The following THAP3 variants were observed in gnomAD, a reference collection of about 807,000 sequenced individuals.
THAP3 encodes the protein THAP domain-containing protein 3.
Under a neutral mutation model 17.7 loss-of-function variants are expected in THAP3, and 12 were observed. That is an observed-to-expected ratio of 0.68 (90% CI 0.43 to 1.10). The LOEUF is 1.10. Ranked by LOEUF, THAP3 falls within the 50% of genes least tolerant of loss-of-function variation. The pLI is 0.00. For missense variants in THAP3, 289 were observed against 318.0 expected, an observed-to-expected ratio of 0.91 and a Z score of 0.69; for synonymous variants, 133 against 126.9, an observed-to-expected ratio of 1.05 and a Z score of -0.32.
chr1:6,625,223 C>A lies in THAP3; in HGVS notation c.5C>A (p.Pro2Gln), dbSNP rs1479389223. The A allele has an allele frequency of 3.9e-6, 6 of 1,542,686 alleles. No homozygotes were observed. In the East Asian group the frequency reaches 1.5e-4, roughly 38 times the overall value. MPKSCAARQCCN... is the reference protein window; with the variant it reads MQKSCAARQCCN... ...GGCAGCCAGGCCTGGCTCGAGATGC[C>A]GAAGTCGTGCGCGGCCCGGCAGTGC... The change falls in exon 2 of 6, where the codon CCG (proline) becomes CAG (glutamine). Residue 2 changes from proline (P) to glutamine (Q), a missense_variant. Pro to Gln is a moderately conservative substitution (Grantham distance 76, BLOSUM62 -1). Coordinates refer to ENST00000054650, the MANE Select transcript of THAP3 (RefSeq NM_001195753.2).
At chr1:6,627,076 C>T (rs1570240474) in intron 2 of THAP3, among the ~76,000 whole-genome samples, 1 of 152,204 alleles carries the variant, frequency 6.6e-6, no homozygotes, top group Non-Finnish European at 1.5e-5. Flanking sequence ...GAGCCTGGGT[C>T]ACTTTTCCCG....
At chr1:6,635,471 C>T (rs1641744560), downstream of THAP3, 2 of 568,880 alleles carry the variant, frequency 3.5e-6, no homozygotes, top group Admixed American at 3.1e-5. Flanking sequence ...GTCTGGTTCC[C>T]AGTGGGGCTG....
rs766151074 is a variant in THAP3 at position 6,628,656 on chromosome 1, G to T, written c.232G>T (p.Val78Leu). Reference protein sequence around the residue: ...GNRKNLKHNAVPTVFAFQDPT... With the variant: ...GNRKNLKHNALPTVFAFQDPT... ...CCGCAAGAACCTAAAGCACAATGCCGTGCCCACGGTGTTCGCCTTTCAGGA... is the reference window on the plus strand; with the variant it reads ...CCGCAAGAACCTAAAGCACAATGCCTTGCCCACGGTGTTCGCCTTTCAGGA... Residue 78 changes from valine (V) to leucine (L), a missense_variant, in exon 3 of 6, where the codon GTG becomes TTG. Physicochemically the swap from Val to Leu is conservative, Grantham distance 32. Coordinates refer to ENST00000054650, the MANE Select transcript of THAP3 (RefSeq NM_001195753.2). The T allele has an allele frequency of 6.2e-7, 1 of 1,613,532 alleles. No homozygotes were observed. Among genetic ancestry groups the T allele is most frequent in the South Asian group, 1.1e-5 (1 of 91,028 alleles).
intron 4 of THAP3, among the ~76,000 whole-genome samples, chr1:6,632,046 CAA>C (rs35349874): frequency 7.2e-5 from 8 of 111,388 alleles, no homozygotes; most frequent in Admixed American, 2.0e-4. Flanking sequence ...GATTCCGTCT[CAA>C]AAAAAAAAAA....
downstream of THAP3, chr1:6,633,960 G>A: frequency 2.7e-6 from 4 of 1,474,416 alleles, no homozygotes; most frequent in Non-Finnish European, 3.7e-6. Flanking sequence ...TATAGCTTTA[G>A]TGAATTAAAG....
intron 4 of THAP3, among the ~76,000 whole-genome samples, chr1:6,631,184 T>C (rs1302323421): frequency 6.6e-6 from 1 of 151,808 alleles, no homozygotes; most frequent in African/African-American, 2.4e-5. Context: ...AAAAATTTTT[T>C]TTTTTTTTTT....
In THAP3 at chr1:6,633,170, A is replaced by G. The variant is rs1570252018; in HGVS notation, c.*93A>G. 4.0e-6 allele frequency: 6 copies of G among 1,483,510 alleles called. No individual in the cohort carries two copies. The highest frequency in any genetic ancestry group is 5.4e-6 in the Non-Finnish European group (6 of 1,119,518). The allele number at this position is 1,483,510 out of a possible 1,614,324, so 91.9% of individuals were successfully genotyped here. On this transcript the variant is annotated 3_prime_UTR_variant, in exon 6 of 6. Transcript: ENST00000054650. The stretch of plus-strand genomic sequence containing the variant: ...GTGGACATTTTTGTCTGCTGTGGAC[A>G]CTGAGAAAGTTGGCCATGAGGCCTG...
At chr1:6,626,564 G>A (rs1209154389) in intron 2 of THAP3, among the ~76,000 whole-genome samples, 1 of 152,220 alleles carries the variant, frequency 6.6e-6, no homozygotes, top group Non-Finnish European at 1.5e-5. Context: ...GAGGCTGGGC[G>A]TGGTGGCTCA....
Position 6,632,852 on chromosome 1 carries a change from A to G in THAP3, c.495A>G (p.Ala165=), listed in dbSNP as rs751170035. The G allele has an allele frequency of 6.2e-7, 1 of 1,612,956 alleles. No homozygotes were observed. Among genetic ancestry groups the G allele is most frequent in the Non-Finnish European group, 8.5e-7 (1 of 1,179,902 alleles). ...TEAVGRPTGP[A]GLRRTPNKQP... Reference sequence around the variant, plus strand: ...CTGTTGGCCGGCCGACTGGCCCTGCAGGCCTGAGAAGGACCCCCAACAAGC... The same window carrying G: ...CTGTTGGCCGGCCGACTGGCCCTGCGGGCCTGAGAAGGACCCCCAACAAGC... The change falls in exon 6 of 6, where the codon GCA becomes GCG. Residue 165 remains alanine, a synonymous_variant. Coordinates refer to ENST00000054650, the MANE Select transcript of THAP3 (RefSeq NM_001195753.2).
chr1:6,633,343 T>C lies in THAP3; in HGVS notation c.*266T>C. 1 of 1,357,966 alleles carries C rather than the reference T, an allele frequency of 7.4e-7. No individual in the cohort carries two copies. Among genetic ancestry groups the C allele is most frequent in the Non-Finnish European group, 9.5e-7 (1 of 1,052,636 alleles). The allele number at this position is 1,357,966 out of a possible 1,614,324, so 84.1% of individuals were successfully genotyped here. On this transcript the variant is annotated 3_prime_UTR_variant, in exon 6 of 6. Coordinates refer to ENST00000054650, the MANE Select transcript of THAP3 (RefSeq NM_001195753.2). ...TGGTAACAGAAGTCCAGGCTGAGGC[T>C]GATTCTGGACGCTGTCCTTTCAGCA...
intron 2 of THAP3, among the ~76,000 whole-genome samples, chr1:6,626,332 C>T (rs1049226657): frequency 6.6e-6 from 1 of 152,014 alleles, no homozygotes; most frequent in Admixed American, 6.6e-5. Flanking sequence ...AACATCACTA[C>T]CCCCGAGAAG....
chr1:6,630,358 G>A lies in THAP3; in HGVS notation c.333+5G>A. 2 of 1,614,056 alleles carry A rather than the reference G, an allele frequency of 1.2e-6. No individual in the cohort carries two copies. The highest frequency in any genetic ancestry group is 1.7e-6 in the Non-Finnish European group (2 of 1,179,904). ...AGCTCTTCTCAGAAAGAAAAGGTGA[G>A]TGCACCGGGCCAGGTACTTGAATGT... On this transcript the variant is annotated splice_donor_5th_base_variant and intron_variant, in intron 4 of 5. Transcript: ENST00000054650.
chr1:6,633,092 G>A lies in THAP3; in HGVS notation c.*15G>A, dbSNP rs116345569. ...AGCAGAGCTGAGCCCCACAGGCTCC[G>A]GACGCAGAGGTGGCAGTGGCACCAG... is the stretch of plus-strand genomic sequence containing the variant. On this transcript the variant is annotated 3_prime_UTR_variant, in exon 6 of 6. Coordinates refer to ENST00000054650, the MANE Select transcript of THAP3 (RefSeq NM_001195753.2). The A allele has an allele frequency of 1.1e-3, 1,773 of 1,581,982 alleles. 17 individuals carry two copies. In the African/African-American group the frequency reaches 0.018, roughly 16 times the overall value.
chr1:6,628,257 T>C, intron 2 of THAP3: 1 of 480,434 alleles, frequency 2.1e-6, no homozygotes. Flanking sequence ...CTGGCAAATG[T>C]AGCATCGGAA....
rs1320281830 is a variant in THAP3, at chr1:6,632,798, C to T, written c.441C>T (p.Val147=). 3 of 1,612,806 alleles carry T rather than the reference C, an allele frequency of 1.9e-6. No homozygotes were observed. In the African/African-American group the frequency reaches 4.0e-5, roughly 22 times the overall value. The part of the protein sequence containing the change: ...PPNAEGHVKQ[V]SPRRPQATEA... ...GGCTCTCACTCCCCTGTCCTCAGGT[C>T]TCGCCACGGAGGCCGCAAGCAACAG... Residue 147 remains valine, a splice_region_variant and synonymous_variant, in exon 6 of 6, where the codon GTC becomes GTT. Coordinates refer to ENST00000054650, the MANE Select transcript of THAP3 (RefSeq NM_001195753.2).
intron 3 of THAP3, among the ~76,000 whole-genome samples, chr1:6,629,051 A>G (rs889242727): frequency 2.0e-5 from 3 of 152,104 alleles, no homozygotes; most frequent in Non-Finnish European, 4.4e-5. Flanking sequence ...AAAATACAAA[A>G]ATCAGCTGGG....
At chr1:6,625,614 G>C (rs912578472) in intron 2 of THAP3, among the ~76,000 whole-genome samples, 4 of 150,436 alleles carry the variant, frequency 2.7e-5, no homozygotes, top group Non-Finnish European at 5.9e-5. Context: ...CGCCGCGCGC[G>C]GTCCTGAAGG....
chr1:6,631,363 C>G (rs191022183), intron 4 of THAP3, among the ~76,000 whole-genome samples: 4 of 152,114 alleles, frequency 2.6e-5, no homozygotes, highest in African/African-American at 9.7e-5. Context: ...CGAGGTGGCT[C>G]ACGCTTATAA....
chr1:6,625,091 C>T lies in THAP3; in HGVS notation c.-69-59C>T, dbSNP rs957074857. 3.4e-5 allele frequency: 36 copies of T among 1,063,762 alleles called. No homozygotes were observed. In the Admixed American group the frequency reaches 8.7e-4, roughly 26 times the overall value. 65.9% of individuals were successfully genotyped at this position (1,063,762 alleles called of 1,614,324 possible). ...GGTGGCTGGGATGGCAGGATGAGCGCGCCCTGGAGGCGAGCCAGGCCCGTC... is the reference window on the plus strand; with the variant it reads ...GGTGGCTGGGATGGCAGGATGAGCGTGCCCTGGAGGCGAGCCAGGCCCGTC... On this transcript the variant is annotated intron_variant, in intron 1 of 5. Coordinates refer to ENST00000054650, the MANE Select transcript of THAP3 (RefSeq NM_001195753.2).
Sources: allele counts gnomAD v4.1 joint callset (sites outside exome capture counted in the v4.1 genomes callset), GRCh38; gene constraint gnomAD v4.1.1; transcripts MANE v1.5; gene names NCBI Gene and HGNC (gene_info 2026-07-23, HGNC 2026-07-21).